RPL19: variants seen among roughly 807,000 people sequenced by gnomAD.
RPL19 encodes the protein large ribosomal subunit protein eL19.
In RPL19, 2 loss-of-function variants were observed where a neutral mutation model predicts 25.1. The observed-to-expected ratio is 0.08, with a 90% CI of 0.03 to 0.25. The LOEUF (loss-of-function observed/expected upper bound fraction) is 0.25. RPL19 is among the 10% of genes least tolerant of loss of function. The probability of loss-of-function intolerance (pLI) is 1.00; values close to 1 mark genes in which losing one functional copy is unlikely to be tolerated. For synonymous variants in RPL19, 89 were observed against 91.2 expected, an observed-to-expected ratio of 0.98 and a Z score of 0.14; for missense variants, 123 against 271.8, an observed-to-expected ratio of 0.45 and a Z score of 3.85.
At chr17:39,200,637 C>T (rs2046279961) in intron 1 of RPL19, 4 of 1,184,868 alleles carry the variant, frequency 3.4e-6, no homozygotes, top group Admixed American at 4.2e-5. Flanking sequence ...CAAGACCAAG[C>T]CGTGGGCCCT....
At position 39,204,696 on chromosome 17, in the gene RPL19, C is replaced by T. The variant is rs764568409; in HGVS notation, c.*48C>T. The T allele has an allele frequency of 3.2e-6, 5 of 1,576,460 alleles. No individual in the cohort carries two copies. The highest frequency in any genetic ancestry group is 2.3e-5 in the East Asian group (1 of 44,142). On this transcript the variant is annotated 3_prime_UTR_variant, in exon 6 of 6. Coordinates refer to ENST00000225430, the MANE Select transcript of RPL19 (RefSeq NM_000981.4). The stretch of plus-strand genomic sequence containing the variant: ...TACTGGCCTCTGTGATTACATAGAT[C>T]AGCCATTAAAATAAAACAAGCCTTA...
chr17:39,200,285 A>G lies in RPL19; in HGVS notation c.-60A>G. 1.4e-6 allele frequency: 2 copies of G among 1,475,402 alleles called. No homozygotes were observed. The highest frequency in any genetic ancestry group is 2.5e-5 in the East Asian group (1 of 39,564). 91.4% of individuals were successfully genotyped at this position (1,475,402 alleles called of 1,614,324 possible). On this transcript the variant is annotated 5_prime_UTR_variant, in exon 1 of 6. Transcript: ENST00000225430. The stretch of plus-strand genomic sequence containing the variant: ...GCAGGGTTTGGGCTCTCCCCTTCGC[A>G]GATAATGGGAGGAGCCGGGCCCGAG...
chr17:39,201,461 T>A (rs1413631618), intron 2 of RPL19, 142 bp downstream of exon 2: 4 of 610,604 alleles, frequency 6.6e-6, no homozygotes, highest in Non-Finnish European at 2.9e-6. Flanking sequence ...AGTGGTGCCA[T>A]CTGATCATTG....
chr17:39,201,453 T>C (rs2046288571), intron 2 of RPL19, 134 bp downstream of exon 2: 1 of 619,934 alleles, frequency 1.6e-6, no homozygotes, highest in Admixed American at 2.9e-5. Flanking sequence ...TGGAGTGTAG[T>C]GGTGCCATCT....
intron 4 of RPL19, among the ~76,000 whole-genome samples, chr17:39,203,724 CT>C (rs1380910072): frequency 2.0e-5 from 3 of 151,812 alleles, no homozygotes; most frequent in African/African-American, 7.3e-5. Context: ...CCAGGCTGGT[CT>C]CGAACTCCTG....
intron 2 of RPL19, 81 bp downstream of exon 2, chr17:39,201,400 C>G (rs1597725861): frequency 3.2e-6 from 2 of 619,362 alleles, no homozygotes; most frequent in Non-Finnish European, 5.4e-6. Flanking sequence ...ATTGTGTTGA[C>G]TTTTTTTTTT....
chr17:39,204,310 G>C, intron 5 of RPL19, 123 bp downstream of exon 5: 1 of 829,162 alleles, frequency 1.2e-6, no homozygotes, highest in East Asian at 2.6e-5. Flanking sequence ...GAATACAGCT[G>C]TTCCCTTAGA....
At chr17:39,202,035 T>C (rs1015092303) in intron 2 of RPL19, among the ~76,000 whole-genome samples, 3 of 152,172 alleles carry the variant, frequency 2.0e-5, no homozygotes, top group Non-Finnish European at 4.4e-5. Context: ...CTTGGTAAGC[T>C]GAGGCAGGAG....
intron 1 of RPL19, 133 bp from the exon 2 acceptor site, chr17:39,201,080 C>T: frequency 1.4e-6 from 1 of 694,142 alleles, no homozygotes; most frequent in South Asian, 1.8e-5. Flanking sequence ...TAGCCCAGAG[C>T]CTTAAAGATG....
chr17:39,202,358 C>G lies in RPL19; in HGVS notation c.154C>G (p.Arg52Gly). 6.2e-7 allele frequency: 1 copy of G among 1,614,122 alleles called. No individual in the cohort carries two copies. The highest frequency in any genetic ancestry group is 8.5e-7 in the Non-Finnish European group (1 of 1,180,010). The change falls in exon 3 of 6, where the codon CGC (arginine) becomes GGC (glycine). Residue 52 changes from arginine (R) to glycine (G), a missense_variant. Coordinates refer to ENST00000225430, the MANE Select transcript of RPL19 (RefSeq NM_000981.4). ...GCTCATCAAAGATGGGCTGATCATC[C>G]GCAAGCCTGTGACGGTCCATTCCCG... ...RKLIKDGLII[R>G]KPVTVHSRAR... is the part of the protein sequence containing the mutation.
At chr17:39,200,722 A>G (rs1335091336) in intron 1 of RPL19, 11 of 1,069,612 alleles carry the variant, frequency 1.0e-5, no homozygotes, top group Non-Finnish European at 1.2e-5. Context: ...TGTAGGCCCC[A>G]GGCCTCCGAC....
chr17:39,200,356 G>A lies in RPL19; in HGVS notation c.5+7G>A, dbSNP rs368682691. 2.1e-5 allele frequency: 33 copies of A among 1,567,652 alleles called. No homozygotes were observed. Among genetic ancestry groups the A allele is most frequent in the Non-Finnish European group, 2.8e-5 (32 of 1,159,338 alleles). ...CTGCGGCCGCAGCCATGAGGTGAGG[G>A]CGAGCTGGTCTCCATCAGGCGCTGA... On this transcript the variant is annotated splice_region_variant and intron_variant, in intron 1 of 5. Transcript: ENST00000225430.
chr17:39,202,876 AG>A, intron 3 of RPL19, 112 bp from the exon 4 acceptor site: 6 of 1,148,940 alleles, frequency 5.2e-6, no homozygotes, highest in Non-Finnish European at 7.6e-6. Flanking sequence ...ACTTAAAATG[AG>A]GTTGTGAGGA....
chr17:39,200,506 C>T lies in RPL19; in HGVS notation c.5+157C>T. ...AGGCCGGAGCACTTTCGTCCCGGGC[C>T]TCCGGAGTGAGGGGGGGCGGGGAGC... On this transcript the variant is annotated intron_variant, in intron 1 of 5. Coordinates refer to ENST00000225430, the MANE Select transcript of RPL19 (RefSeq NM_000981.4). 3.1e-6 allele frequency: 4 copies of T among 1,296,482 alleles called. No homozygotes were observed. The South Asian group carries it at 8.8e-5, about 29-fold the overall frequency. 80.3% of individuals were successfully genotyped at this position (1,296,482 alleles called of 1,614,324 possible).
At chr17:39,200,596 C>G in intron 1 of RPL19, 1 of 1,246,120 alleles carries the variant, frequency 8.0e-7, no homozygotes, top group South Asian at 2.6e-5. Flanking sequence ...CGTGTCCGGT[C>G]GACCCACGCG....
intron 4 of RPL19, among the ~76,000 whole-genome samples, chr17:39,203,516 C>CT (rs1216441219): frequency 1.0e-3 from 127 of 126,584 alleles, no homozygotes; most frequent in Middle Eastern, 5.7e-3. Context: ...GGGTAGGGAG[C>CT]TTTTTTTTTT....
chr17:39,201,899 A>G (rs1482697147), intron 2 of RPL19, among the ~76,000 whole-genome samples: 1 of 152,162 alleles, frequency 6.6e-6, no homozygotes, highest in Admixed American at 6.6e-5. Flanking sequence ...AACCTAGGAA[A>G]GTTCATTCAG....
intron 4 of RPL19, 39 bp from the exon 5 acceptor site, chr17:39,204,038 A>G (rs985733859): frequency 1.7e-6 from 2 of 1,194,420 alleles, no homozygotes; most frequent in Non-Finnish European, 2.5e-6. Flanking sequence ...CCTCTGATCC[A>G]TCACCAACCA....
At position 39,202,215 on chromosome 17, in the gene RPL19, C is replaced by T. The variant is rs1389946865; in HGVS notation, c.113-102C>T. ...CCAGTGTTTCCATCCTTTTTGAGAC[C>T]GTGGGGCCAAGAATGTGAGCAGTGT... On this transcript the variant is annotated intron_variant, in intron 2 of 5. Transcript: ENST00000225430. 13 of 1,421,462 alleles carry T rather than the reference C, an allele frequency of 9.1e-6. No homozygotes were observed. The Admixed American group carries it at 1.2e-4, about 13-fold the overall frequency. 88.1% of individuals were successfully genotyped at this position (1,421,462 alleles called of 1,614,324 possible). A position where few individuals can be genotyped will look rare whatever the true frequency, so the allele number is the denominator to read the frequency against.
Sources: gnomAD v4.1 joint callset for allele counts (sites outside exome capture counted in the v4.1 genomes callset) on GRCh38, gnomAD v4.1.1 for gene constraint, MANE v1.5 for transcripts, NCBI Gene and HGNC (gene_info 2026-07-23, HGNC 2026-07-21) for gene names.